Variants in ZNF385B observed in about 807,000 individuals in gnomAD.
ZNF385B encodes zinc finger protein 385B.
A neutral mutation model predicts 39.2 loss-of-function variants in ZNF385B; 23 were observed. That is an observed-to-expected ratio of 0.59 (90% CI 0.42 to 0.83). ZNF385B has a LOEUF of 0.83. Ranked by LOEUF, ZNF385B falls within the 40% of genes least tolerant of loss-of-function variation. ZNF385B has a pLI of 0.00. For synonymous variants in ZNF385B, 205 were observed against 222.6 expected (o/e 0.92, Z 0.70); for missense variants, 552 against 598.9 (o/e 0.92, Z 0.82).
chr2:179,819,615 G>C (rs903751237), intron 1 of ZNF385B, among the ~76,000 whole-genome samples: 3 of 152,146 alleles, frequency 2.0e-5, no homozygotes, highest in South Asian at 2.1e-4. Flanking sequence ...TGGAAAGATG[G>C]GCAGAACACT....
At chr2:179,810,530 TAA>T (rs1244034744) in intron 1 of ZNF385B, among the ~76,000 whole-genome samples, 1 of 151,956 alleles carries the variant, frequency 6.6e-6, no homozygotes, top group East Asian at 1.9e-4. Flanking sequence ...CCTTATAATT[TAA>T]AGTTTTTAAT....
intron 3 of ZNF385B, among the ~76,000 whole-genome samples, chr2:179,604,098 T>C (rs1688614941): frequency 6.6e-6 from 1 of 152,146 alleles, no homozygotes; most frequent in African/African-American, 2.4e-5. Flanking sequence ...CAAGTATCCA[T>C]TCAGAAAGTG....
At chr2:179,634,973 C>CAAAAAAAAAAAAAAA (rs66671134) in intron 3 of ZNF385B, among the ~76,000 whole-genome samples, 1 of 115,612 alleles carries the variant, frequency 8.6e-6, no homozygotes, top group Non-Finnish European at 1.8e-5. Context: ...ACTAAAAATA[C>CAAAAAAAAAAAAAAA]AAAAAAAAAA....
intron 4 of ZNF385B, among the ~76,000 whole-genome samples, chr2:179,521,737 A>G (rs1259955659): frequency 3.3e-5 from 5 of 151,942 alleles, no homozygotes; most frequent in Non-Finnish European, 5.9e-5. Flanking sequence ...TGTAATCCTA[A>G]TTTTTCTCAT....
At chr2:179,573,659 A>T (rs1015031654) in intron 3 of ZNF385B, among the ~76,000 whole-genome samples, 4 of 152,132 alleles carry the variant, frequency 2.6e-5, no homozygotes, top group African/African-American at 9.6e-5. Context: ...CAATTGTGCT[A>T]TGTGAATTTT....
chr2:179,795,474 AC>A (rs1705602305), intron 1 of ZNF385B, among the ~76,000 whole-genome samples: 1 of 152,186 alleles, frequency 6.6e-6, no homozygotes, highest in African/African-American at 2.4e-5. Flanking sequence ...CTATGGGTGC[AC>A]TGTGGTGTGT....
intron 6 of ZNF385B, among the ~76,000 whole-genome samples, chr2:179,458,633 C>A (rs981205875): frequency 1.3e-5 from 2 of 152,090 alleles, no homozygotes. Context: ...AAGTATATAT[C>A]TATTAAAAAA....
chr2:179,476,044 G>C (rs1001441197), intron 6 of ZNF385B, among the ~76,000 whole-genome samples: 14 of 145,492 alleles, frequency 9.6e-5, no homozygotes, highest in Admixed American at 8.2e-4. Flanking sequence ...AAAAAAAAGC[G>C]GACCCAGAAT....
chr2:179,792,375 C>CTTTTTTTTTTTT (rs374147864), intron 1 of ZNF385B, among the ~76,000 whole-genome samples: 133 of 124,052 alleles, frequency 1.1e-3, no homozygotes, highest in African/African-American at 3.4e-3. Context: ...ATTTTCTTTT[C>CTTTTTTTTTTTT]TTTTTTTTTT....
intron 3 of ZNF385B, among the ~76,000 whole-genome samples, chr2:179,572,479 GCAT>G (rs1288784138): frequency 6.6e-6 from 1 of 152,056 alleles, no homozygotes; most frequent in Admixed American, 6.6e-5. Flanking sequence ...CAAGTAGAAG[GCAT>G]CATAGTAACC....
intron 6 of ZNF385B, among the ~76,000 whole-genome samples, chr2:179,468,340 A>G (rs1185981290): frequency 6.6e-6 from 1 of 152,242 alleles, no homozygotes; most frequent in Non-Finnish European, 1.5e-5. Flanking sequence ...TTTGACTTGC[A>G]GAATAGAGAA....
At chr2:179,740,063 T>A (rs73973715) in intron 3 of ZNF385B, among the ~76,000 whole-genome samples, 2 of 152,318 alleles carry the variant, frequency 1.3e-5, no homozygotes, top group African/African-American at 4.8e-5. Context: ...CATTTCTGAA[T>A]CTGCTTACTC....
intron 1 of ZNF385B, among the ~76,000 whole-genome samples, chr2:179,832,947 A>C (rs746686157): frequency 8.7e-4 from 132 of 152,160 alleles, no homozygotes; most frequent in Non-Finnish European, 2.5e-4. Flanking sequence ...ATGTTATATA[A>C]AATATTTTTC....
At chr2:179,533,335 T>G (rs2059372730) in intron 4 of ZNF385B, among the ~76,000 whole-genome samples, 1 of 152,202 alleles carries the variant, frequency 6.6e-6, no homozygotes, top group South Asian at 2.1e-4. Context: ...ACTGGTAGAT[T>G]TATCTGCTGT....
At chr2:179,443,825 G>A (rs1170632031) in intron 9 of ZNF385B, among the ~76,000 whole-genome samples, 1 of 152,188 alleles carries the variant, frequency 6.6e-6, no homozygotes, top group Non-Finnish European at 1.5e-5. Flanking sequence ...ACCATGACGA[G>A]ACCTAGAGAC....
At chr2:179,584,381 AC>A (rs1348566805) in intron 3 of ZNF385B, among the ~76,000 whole-genome samples, 2 of 152,188 alleles carry the variant, frequency 1.3e-5, no homozygotes, top group African/African-American at 2.4e-5. Context: ...AGTATAAAAT[AC>A]TATAAAATGA....
intron 3 of ZNF385B, chr2:179,745,923 TG>T: frequency 8.0e-7 from 1 of 1,242,502 alleles, no homozygotes. Context: ...CACTGCTCAT[TG>T]AAAATCCTTT....
chr2:179,498,487 C>G (rs1402295960), intron 5 of ZNF385B, among the ~76,000 whole-genome samples: 1 of 151,934 alleles, frequency 6.6e-6, no homozygotes, highest in Non-Finnish European at 1.5e-5. Context: ...TTTTGAGCAC[C>G]TTCTCTGACC....
chr2:179,518,240 T>C (rs1419700588), intron 5 of ZNF385B, among the ~76,000 whole-genome samples: 1 of 152,212 alleles, frequency 6.6e-6, no homozygotes, highest in Admixed American at 6.5e-5. Flanking sequence ...GGTTTTAAAA[T>C]TTGTATTATT....
Sources: gnomAD v4.1 joint callset for allele counts (sites outside exome capture counted in the v4.1 genomes callset) on GRCh38, gnomAD v4.1.1 for gene constraint, MANE v1.5 for transcripts, NCBI Gene and HGNC (gene_info 2026-07-23, HGNC 2026-07-21) for gene names.